The following RPA3 variants were observed in gnomAD, a reference collection of about 807,000 sequenced individuals.
RPA3 encodes replication protein A3.
A neutral mutation model predicts 13.7 loss-of-function variants in RPA3; 24 were observed. The ratio of observed to expected loss-of-function variants is 1.75; its 90% CI spans 1.27 to 2.46. RPA3 has a LOEUF of 2.46. Among genes scored for constraint, RPA3 ranks in the 30% most tolerant of loss-of-function variants. The pLI is 0.00. For synonymous variants in RPA3, 59 were observed against 51.2 expected, an observed-to-expected ratio of 1.15 and a Z score of -0.65; for missense variants, 183 against 151.0, an observed-to-expected ratio of 1.21 and a Z score of -1.11.
At position 7,641,188 on chromosome 7, in the gene RPA3, AGATTGATCC is replaced by A. The variant is rs917406895; in HGVS notation, c.-757-22_-757-14del. On this transcript the variant is annotated splice_polypyrimidine_tract_variant and intron_variant, in intron 4 of 7. Coordinates refer to ENST00000223129, the MANE Select transcript of RPA3 (RefSeq NM_002947.5). Reference sequence around the variant, plus strand: ...CCACTTTCTCCACCTGTAAGAAGAGAGATTGATCCGATTACTTCTAAGACGTTTTTTAGC... The same window carrying A: ...CCACTTTCTCCACCTGTAAGAAGAGAGATTACTTCTAAGACGTTTTTTAGC... 4.6e-5 allele frequency: 7 copies of A among 152,038 alleles called. No individual in the cohort carries two copies. The highest frequency in any genetic ancestry group is 1.7e-4 in the African/African-American group (7 of 41,340). 9.4% of individuals were successfully genotyped at this position (152,038 alleles called of 1,614,324 possible).
At chr7:7,703,958 G>A (rs1267744975) in intron 2 of RPA3, among the ~76,000 whole-genome samples, 3 of 150,946 alleles carry the variant, frequency 2.0e-5, no homozygotes, top group African/African-American at 7.3e-5. Context: ...AAAGAAAGAA[G>A]GAAGGAAGGG....
intron 5 of RPA3, among the ~76,000 whole-genome samples, chr7:7,639,464 C>T (rs1784918071): frequency 6.6e-6 from 1 of 152,108 alleles, no homozygotes; most frequent in African/African-American, 2.4e-5. Context: ...TGCTGGCACT[C>T]ATGATTTAGA....
intron 4 of RPA3, among the ~76,000 whole-genome samples, chr7:7,678,123 A>C (rs1490986249): frequency 8.8e-6 from 1 of 113,028 alleles, no homozygotes; most frequent in Non-Finnish European, 1.8e-5. Context: ...TTGCTGTATC[A>C]TATAGTAGTT....
At chr7:7,697,627 AT>A (rs1780353021) in intron 2 of RPA3, among the ~76,000 whole-genome samples, 1 of 152,112 alleles carries the variant, frequency 6.6e-6, no homozygotes, top group Admixed American at 6.6e-5. Flanking sequence ...AGATATTTTT[AT>A]TTTTTTAAGC....
At chr7:7,639,417 TAAC>T (rs1784917510) in intron 5 of RPA3, among the ~76,000 whole-genome samples, 1 of 152,182 alleles carries the variant, frequency 6.6e-6, no homozygotes, top group South Asian at 2.1e-4. Flanking sequence ...CCTATTCTGA[TAAC>T]AAATTAAAGG....
chr7:7,641,629 G>A (rs1784976483), intron 4 of RPA3: 1 of 152,212 alleles, frequency 6.6e-6, no homozygotes, highest in Non-Finnish European at 1.5e-5. Flanking sequence ...TCTGTCCCTG[G>A]CTCATCTTGT....
At chr7:7,657,045 T>C (rs552789314) in intron 4 of RPA3, among the ~76,000 whole-genome samples, 109 of 152,316 alleles carry the variant, frequency 7.2e-4, no homozygotes, top group African/African-American at 2.6e-3. Flanking sequence ...GTGGTTTTGA[T>C]TTGCATTTCT....
chr7:7,710,096 G>C (rs1386248950), intron 2 of RPA3, among the ~76,000 whole-genome samples: 1 of 152,054 alleles, frequency 6.6e-6, no homozygotes, highest in Admixed American at 6.6e-5. Context: ...CATGTATCTG[G>C]TCTCATCTAT....
rs945602294 is a variant in RPA3 at position 7,666,800 on chromosome 7, A to G, written c.-758+19030T>C. On this transcript the variant is annotated intron_variant, in intron 4 of 7. Coordinates refer to ENST00000223129, the MANE Select transcript of RPA3 (RefSeq NM_002947.5). ...CCATTTTTGTGGTTTGGACAGATGA[A>G]TTTATTTATTTATTTATTGTTTGAG... Among the ~76,000 whole-genome samples the G allele has an allele frequency of 4.6e-5, 7 of 150,934 alleles. No individual in the cohort carries two copies. In the South Asian group the frequency reaches 1.5e-3, roughly 31 times the overall value.
At chr7:7,665,727 C>G (rs1214436984) in intron 4 of RPA3, among the ~76,000 whole-genome samples, 1 of 152,022 alleles carries the variant, frequency 6.6e-6, no homozygotes, top group Non-Finnish European at 1.5e-5. Flanking sequence ...CTCTGATATA[C>G]TTTCTTTCAC....
At chr7:7,686,611 T>C (rs1780046869) in intron 3 of RPA3, among the ~76,000 whole-genome samples, 1 of 152,166 alleles carries the variant, frequency 6.6e-6, no homozygotes, top group African/African-American at 2.4e-5. Flanking sequence ...CAACAACAAA[T>C]TAATAAACTT....
At chr7:7,660,139 T>C (rs546021841) in intron 4 of RPA3, among the ~76,000 whole-genome samples, 1 of 152,354 alleles carries the variant, frequency 6.6e-6, no homozygotes, top group South Asian at 2.1e-4. Context: ...TGTTTTTTGC[T>C]TTCCATTTGC....
chr7:7,717,569 T>C (rs1228717555), intron 1 of RPA3, among the ~76,000 whole-genome samples: 2 of 152,232 alleles, frequency 1.3e-5, no homozygotes, highest in Non-Finnish European at 2.9e-5. Flanking sequence ...TTTCCCACTT[T>C]AACTGATTTT....
intron 4 of RPA3, among the ~76,000 whole-genome samples, chr7:7,662,299 C>T (rs1166971217): frequency 2.0e-5 from 3 of 152,116 alleles, no homozygotes; most frequent in African/African-American, 7.2e-5. Context: ...GGCTTCAGCC[C>T]CCTTTCCAGG....
chr7:7,650,360 A>C (rs1444962704), intron 4 of RPA3, among the ~76,000 whole-genome samples: 1 of 152,222 alleles, frequency 6.6e-6, no homozygotes, highest in African/African-American at 2.4e-5. Context: ...CGAGTTCTCA[A>C]AGCATAGTTT....
chr7:7,690,436 T>A (rs945342102), intron 2 of RPA3, among the ~76,000 whole-genome samples: 2 of 152,172 alleles, frequency 1.3e-5, no homozygotes, highest in Non-Finnish European at 2.9e-5. Context: ...ATGCCCAGTA[T>A]GTCAGATGTG....
intron 6 of RPA3, chr7:7,638,178 C>A: frequency 6.8e-6 from 3 of 441,604 alleles, no homozygotes; most frequent in Non-Finnish European, 1.2e-5. Flanking sequence ...CTACCTTTAG[C>A]AGTAGCTTCA....
At chr7:7,644,304 AGTGTT>A (rs1785046233) in intron 4 of RPA3, among the ~76,000 whole-genome samples, 1 of 148,546 alleles carries the variant, frequency 6.7e-6, no homozygotes, top group South Asian at 2.1e-4. Flanking sequence ...TAATGGTACA[AGTGTT>A]GTCTGTTTTT....
At chr7:7,638,060 T>C (rs1487375897) in intron 6 of RPA3, 88 bp from the exon 7 acceptor site, 2 of 850,910 alleles carry the variant, frequency 2.4e-6, no homozygotes, top group African/African-American at 1.7e-5. Flanking sequence ...GTTACTAATC[T>C]ATCACTTCAA....
Sources: allele counts gnomAD v4.1 joint callset (sites outside exome capture counted in the v4.1 genomes callset), GRCh38; gene constraint gnomAD v4.1.1; transcripts MANE v1.5; gene names NCBI Gene and HGNC (gene_info 2026-07-23, HGNC 2026-07-21).